Variants in SKAP2 observed in about 807,000 individuals in gnomAD.
SKAP2 encodes src kinase associated phosphoprotein 2, also known as src kinase-associated phosphoprotein 2.
SKAP2 carries 28 observed loss-of-function variants against 54.9 expected under a neutral mutation model. The ratio of observed to expected loss-of-function variants is 0.51; its 90% CI spans 0.38 to 0.70. The LOEUF is 0.70. SKAP2 is among the 30% of genes least tolerant of loss of function. The pLI is 0.00. For missense variants in SKAP2, 356 were observed against 424.1 expected, an observed-to-expected ratio of 0.84 and a Z score of 1.41; for synonymous variants, 137 against 134.3, an observed-to-expected ratio of 1.02 and a Z score of -0.14.
chr7:26,834,052 G>A (rs1057285010), intron 4 of SKAP2, among the ~76,000 whole-genome samples: 6 of 152,082 alleles, frequency 3.9e-5, no homozygotes, highest in African/African-American at 9.7e-5. Flanking sequence ...ACTCAACACC[G>A]CACAACTACA....
intron 4 of SKAP2, among the ~76,000 whole-genome samples, chr7:26,826,804 CTCCCAAG>C (rs1424917903): frequency 6.6e-6 from 1 of 152,098 alleles, no homozygotes; most frequent in Admixed American, 6.6e-5. Context: ...TCATTTTATT[CTCCCAAG>C]TCTAAAATAG....
At position 26,844,142 on chromosome 7, in the gene SKAP2, T is replaced by TAAA. The variant is rs61646374; in HGVS notation, c.200-8_200-6dup. 2.1e-4 allele frequency: 263 copies of TAAA among 1,281,708 alleles called. No homozygotes were observed. Among genetic ancestry groups the TAAA allele is most frequent in the Admixed American group, 3.0e-4 (15 of 50,638 alleles). 79.4% of individuals were successfully genotyped at this position (1,281,708 alleles called of 1,614,324 possible). ...CTTCCCCATCTTCTGCATCACCTGT[T>TAAA]AAAAAAAAAAAAAATCAGAGAACTG... On this transcript the variant is annotated splice_region_variant and splice_polypyrimidine_tract_variant and intron_variant, in intron 3 of 12. Coordinates refer to ENST00000345317, the MANE Select transcript of SKAP2 (RefSeq NM_003930.5).
At chr7:26,685,451 A>G (rs921600734) in intron 10 of SKAP2, among the ~76,000 whole-genome samples, 1 of 152,214 alleles carries the variant, frequency 6.6e-6, no homozygotes, top group African/African-American at 2.4e-5. Context: ...TTGTACCCAA[A>G]GCCAAAGTTA....
chr7:26,743,951 G>A (rs973578818), intron 4 of SKAP2, among the ~76,000 whole-genome samples: 1 of 152,116 alleles, frequency 6.6e-6, no homozygotes, highest in Non-Finnish European at 1.5e-5. Context: ...GATAACTCAA[G>A]AATTCTAGAA....
intron 9 of SKAP2, 95 bp downstream of exon 9, chr7:26,725,333 T>A: frequency 1.3e-6 from 1 of 798,736 alleles, no homozygotes; most frequent in Non-Finnish European, 1.9e-6. Context: ...CTACTCAAGC[T>A]GTCGAGGACA....
intron 4 of SKAP2, among the ~76,000 whole-genome samples, chr7:26,835,828 T>A (rs1784696170): frequency 6.6e-6 from 1 of 152,140 alleles, no homozygotes; most frequent in African/African-American, 2.4e-5. Flanking sequence ...CTTCACAGAA[T>A]TAGAAAAAAC....
intron 3 of SKAP2, among the ~76,000 whole-genome samples, chr7:26,845,712 G>A (rs140691788): frequency 1.3e-5 from 2 of 152,098 alleles, no homozygotes; most frequent in African/African-American, 2.4e-5. Flanking sequence ...CCAGAAGATC[G>A]CTTGTGGCCA....
intron 4 of SKAP2, among the ~76,000 whole-genome samples, chr7:26,819,745 GCTA>G (rs1450077465): frequency 6.6e-6 from 1 of 152,024 alleles, no homozygotes. Context: ...GGTAATTGCT[GCTA>G]CTTTTTAAGG....
At chr7:26,788,229 A>T (rs1234433865) in intron 4 of SKAP2, among the ~76,000 whole-genome samples, 1 of 152,244 alleles carries the variant, frequency 6.6e-6, no homozygotes, top group African/African-American at 2.4e-5. Context: ...CGATCATTTC[A>T]TATTGTTATG....
At chr7:26,670,883 T>C (rs1186144546) in intron 11 of SKAP2, among the ~76,000 whole-genome samples, 1 of 152,076 alleles carries the variant, frequency 6.6e-6, no homozygotes. Context: ...AATTTAAAGG[T>C]GCTGTTAGAG....
intron 4 of SKAP2, among the ~76,000 whole-genome samples, chr7:26,809,312 C>T (rs1455172152): frequency 6.6e-6 from 1 of 151,828 alleles, no homozygotes; most frequent in Non-Finnish European, 1.5e-5. Context: ...ACTTGGGAGG[C>T]TGAGAAAGGA....
At chr7:26,769,374 T>G (rs1425971362) in intron 4 of SKAP2, among the ~76,000 whole-genome samples, 1 of 152,230 alleles carries the variant, frequency 6.6e-6, no homozygotes, top group East Asian at 1.9e-4. Flanking sequence ...ATCAAGGTTC[T>G]CAGCTTCCCT....
chr7:26,799,139 GCAAGGCAAGA>G (rs1208018091), intron 4 of SKAP2, among the ~76,000 whole-genome samples: 1 of 131,378 alleles, frequency 7.6e-6, no homozygotes, highest in African/African-American at 2.7e-5. Flanking sequence ...GCAAGGCAAG[GCAAGGCAAGA>G]CAACACCAGA....
At chr7:26,841,207 T>A (rs1784810277) in intron 4 of SKAP2, among the ~76,000 whole-genome samples, 1 of 152,084 alleles carries the variant, frequency 6.6e-6, no homozygotes, top group Non-Finnish European at 1.5e-5. Context: ...TGAAATTCCA[T>A]TAATCTGGTG....
chr7:26,686,624 G>C (rs778103404), intron 10 of SKAP2, among the ~76,000 whole-genome samples: 8 of 152,196 alleles, frequency 5.3e-5, no homozygotes, highest in Non-Finnish European at 1.0e-4. Flanking sequence ...ATAATAAAGT[G>C]ACTGATTTCC....
chr7:26,839,987 C>A, intron 4 of SKAP2, among the ~76,000 whole-genome samples: 1 of 151,356 alleles, frequency 6.6e-6, no homozygotes, highest in South Asian at 2.1e-4. Flanking sequence ...AAAAGTATAC[C>A]AAAAAAAATT....
At chr7:26,708,198 A>G in intron 9 of SKAP2, among the ~76,000 whole-genome samples, 1 of 152,212 alleles carries the variant, frequency 6.6e-6, no homozygotes, top group East Asian at 1.9e-4. Flanking sequence ...TTTCTAAGCT[A>G]GAGATTCAAA....
chr7:26,859,334 CTG>C lies in SKAP2; in HGVS notation c.68-4446_68-4445del, dbSNP rs543345642. ...GGGTATGGCTCTGACCAAACAGGTA[CTG>C]ATAAACATAAAAATCAATTAAACTG... On this transcript the variant is annotated intron_variant, in intron 1 of 12. Transcript: ENST00000345317. 4.4e-3 allele frequency among the ~76,000 whole-genome samples: 657 copies of C among 151,024 alleles called. 2 individuals are homozygous for C. Among genetic ancestry groups the C allele is most frequent in the African/African-American group, 0.015 (617 of 41,184 alleles).
chr7:26,795,683 TAC>T (rs1562613483), intron 4 of SKAP2, among the ~76,000 whole-genome samples: 1 of 152,194 alleles, frequency 6.6e-6, no homozygotes, highest in East Asian at 1.9e-4. Flanking sequence ...ATGATCCAGA[TAC>T]AGTCTTATAA....
Sources: gnomAD v4.1 joint callset for allele counts (sites outside exome capture counted in the v4.1 genomes callset) on GRCh38, gnomAD v4.1.1 for gene constraint, MANE v1.5 for transcripts, NCBI Gene and HGNC (gene_info 2026-07-23, HGNC 2026-07-21) for gene names.